PLCG2: variants seen among roughly 807,000 people sequenced by gnomAD.
PLCG2 encodes the protein 1-phosphatidylinositol 4,5-bisphosphate phosphodiesterase gamma-2.
PLCG2 carries 69 observed loss-of-function variants against 175.6 expected under a neutral mutation model. The ratio of observed to expected loss-of-function variants is 0.39; its 90% confidence interval spans 0.32 to 0.48. PLCG2 has a LOEUF of 0.48. Ranked by LOEUF, PLCG2 falls within the 20% of genes least tolerant of loss-of-function variation. PLCG2 has a pLI of 0.91. For synonymous variants in PLCG2, 827 were observed against 624.0 expected, an observed-to-expected ratio of 1.33 and a Z score of -4.85; for missense variants, 1,798 against 1,650.9, an observed-to-expected ratio of 1.09 and a Z score of -1.54.
chr16:81,962,326 C>A lies in PLCG2; in HGVS notation c.*4328C>A, dbSNP rs895812745. 1 of 203,834 alleles carries A rather than the reference C, an allele frequency of 4.9e-6. No individual in the cohort carries two copies. Among genetic ancestry groups the A allele is most frequent in the African/African-American group, 2.3e-5 (1 of 43,720 alleles). The allele number at this position is 203,834 out of a possible 1,614,324, so 12.6% of individuals were successfully genotyped here. ...CCAACCGTAAAAGCTATCTTCTAAC[C>A]AACAAAAAGTTAATAATTAGATTTG... On this transcript the variant is annotated 3_prime_UTR_variant, in exon 33 of 33. Coordinates refer to ENST00000564138, the MANE Select transcript of PLCG2 (RefSeq NM_002661.5).
intron 2 of PLCG2, among the ~76,000 whole-genome samples, chr16:81,811,079 C>T (rs886592009): frequency 2.6e-5 from 4 of 152,136 alleles, no homozygotes; most frequent in African/African-American, 9.7e-5. Flanking sequence ...TGTGCACTTC[C>T]TGGAATGACC....
At chr16:81,777,842 C>T (rs373110092), upstream of PLCG2, among the ~76,000 whole-genome samples, 11 of 151,302 alleles carry the variant, frequency 7.3e-5, no homozygotes, top group South Asian at 4.2e-4. Flanking sequence ...ATAGTGAAAC[C>T]GCGTCTCTAG....
chr16:81,813,320 A>G (rs1567477522), intron 2 of PLCG2, among the ~76,000 whole-genome samples: 1 of 152,018 alleles, frequency 6.6e-6, no homozygotes, highest in Non-Finnish European at 1.5e-5. Context: ...ATCTTTTTTC[A>G]TTTATTTGTG....
chr16:81,782,170 C>T (rs955613515), intron 1 of PLCG2, among the ~76,000 whole-genome samples: 2 of 152,130 alleles, frequency 1.3e-5, no homozygotes, highest in African/African-American at 2.4e-5. Flanking sequence ...GCCACCGTGC[C>T]TGGCCCATTT....
chr16:81,781,434 T>C (rs1910727711), intron 1 of PLCG2, among the ~76,000 whole-genome samples: 2 of 152,056 alleles, frequency 1.3e-5, no homozygotes, highest in East Asian at 1.9e-4. Context: ...TTTTTTTGTA[T>C]TTCTATTGCA....
At chr16:81,867,690 T>G (rs934876820) in intron 5 of PLCG2, among the ~76,000 whole-genome samples, 4 of 151,906 alleles carry the variant, frequency 2.6e-5, no homozygotes, top group African/African-American at 4.8e-5. Flanking sequence ...CTCCCTTGCT[T>G]CCCTCCCTTT....
intron 2 of PLCG2, among the ~76,000 whole-genome samples, chr16:81,853,478 T>TG (rs1406648231): frequency 6.6e-6 from 1 of 152,022 alleles, no homozygotes; most frequent in Admixed American, 6.6e-5. Context: ...GTGGGGGCAG[T>TG]GGGGGGATTG....
chr16:81,912,651 T>G lies in PLCG2; in HGVS notation c.1989T>G (p.Ile663Met), dbSNP rs770786129. 5.0e-6 allele frequency: 8 copies of G among 1,613,158 alleles called. 1 individual carries two copies. The South Asian group carries it at 8.8e-5, about 18-fold the overall frequency. Residue 663 changes from isoleucine (I) to methionine (M), a missense_variant, in exon 19 of 33, where the codon ATT becomes ATG. Coordinates refer to ENST00000564138, the MANE Select transcript of PLCG2 (RefSeq NM_002661.5). ...RGEAEDMLMRIPRDGAFLIRK... is the reference protein window; with the variant it reads ...RGEAEDMLMRMPRDGAFLIRK... ...AGGCAGAGGACATGCTGATGAGGAT[T>G]CCCCGGGACGGGGCCTTCCTGATCC...
At chr16:81,910,464 T>C (rs1164788910) in intron 17 of PLCG2, 56 bp from the exon 18 acceptor site, 1 of 1,508,958 alleles carries the variant, frequency 6.6e-7, no homozygotes, top group South Asian at 1.1e-5. Context: ...AGGCCCTGGC[T>C]GCCGCAATGG....
intron 13 of PLCG2, among the ~76,000 whole-genome samples, chr16:81,897,230 T>A (rs1227212879): frequency 2.0e-5 from 3 of 152,354 alleles, no homozygotes; most frequent in African/African-American, 4.8e-5. Flanking sequence ...CAAGAGGCCT[T>A]CTATAGGCTC....
At chr16:81,854,083 A>C (rs1273329919) in intron 2 of PLCG2, among the ~76,000 whole-genome samples, 2 of 143,560 alleles carry the variant, frequency 1.4e-5, no homozygotes, top group Non-Finnish European at 3.2e-5. Flanking sequence ...AGTGAGCATC[A>C]ATTTGGTCTC....
At chr16:81,902,735 A>G (rs1013771636) in intron 14 of PLCG2, among the ~76,000 whole-genome samples, 1 of 152,140 alleles carries the variant, frequency 6.6e-6, no homozygotes, top group African/African-American at 2.4e-5. Flanking sequence ...CACTGCTCAT[A>G]AAGACATACC....
At chr16:81,920,202 T>C (rs1246759392) in intron 20 of PLCG2, among the ~76,000 whole-genome samples, 2 of 152,214 alleles carry the variant, frequency 1.3e-5, no homozygotes, top group East Asian at 1.9e-4. Flanking sequence ...TGTAAGGCCC[T>C]GGCTTTTTCT....
intron 2 of PLCG2, among the ~76,000 whole-genome samples, chr16:81,801,501 A>G (rs1567471079): frequency 6.6e-6 from 1 of 152,300 alleles, no homozygotes; most frequent in Admixed American, 6.5e-5. Context: ...ACTCAACAGT[A>G]CAGCACGATA....
chr16:81,883,356 T>G lies in PLCG2; in HGVS notation c.765+15T>G. ...ATGAACAGCAGGTGAGAGCACAAGG[T>G]GTGTGGGTGCCTGAGGGAGCTGGCG... is the stretch of plus-strand genomic sequence containing the variant. On this transcript the variant is annotated intron_variant, in intron 9 of 32. Coordinates refer to ENST00000564138, the MANE Select transcript of PLCG2 (RefSeq NM_002661.5). 1 of 1,609,450 alleles carries G rather than the reference T, an allele frequency of 6.2e-7. No homozygotes were observed. Among genetic ancestry groups the G allele is most frequent in the Non-Finnish European group, 8.5e-7 (1 of 1,176,076 alleles).
At chr16:81,765,664 C>T (rs1284201730) in intron 2 of PLCG2, among the ~76,000 whole-genome samples, 1 of 47,008 alleles carries the variant, frequency 2.1e-5, no homozygotes, top group Non-Finnish European at 7.6e-5. Flanking sequence ...AGAAACCAAC[C>T]CTTTTGACCC....
chr16:81,871,840 G>C (rs1360920383), intron 7 of PLCG2, among the ~76,000 whole-genome samples: 1 of 115,288 alleles, frequency 8.7e-6, no homozygotes, highest in Non-Finnish European at 2.0e-5. Flanking sequence ...AAAGTACCTG[G>C]GCACCATCTG....
chr16:81,877,438 C>G (rs567178713), intron 7 of PLCG2, among the ~76,000 whole-genome samples: 12 of 152,270 alleles, frequency 7.9e-5, no homozygotes, highest in Middle Eastern at 3.4e-3. Context: ...CTGGGCGACA[C>G]AGCGAGACTC....
Position 81,958,498 on chromosome 16 carries a change from G to C in PLCG2, c.*500G>C, listed in dbSNP as rs4538005. On this transcript the variant is annotated 3_prime_UTR_variant, in exon 33 of 33. Transcript: ENST00000564138. ...GGCCCAAAGAGAAGCCCTACCCACA[G>C]GCAGCCTGCTCAGTTCAATGTACTT... 4 of 235,868 alleles carry C rather than the reference G, an allele frequency of 1.7e-5. No homozygotes were observed. The highest frequency in any genetic ancestry group is 8.8e-5 in the African/African-American group (4 of 45,250). The allele number at this position is 235,868 out of a possible 1,614,324, so 14.6% of individuals were successfully genotyped here. A position where few individuals can be genotyped will look rare whatever the true frequency, so the allele number is the denominator to read the frequency against.
Sources: gnomAD v4.1 joint callset for allele counts (sites outside exome capture counted in the v4.1 genomes callset) on GRCh38, gnomAD v4.1.1 for gene constraint, MANE v1.5 for transcripts, NCBI Gene and HGNC (gene_info 2026-07-23, HGNC 2026-07-21) for gene names.